PCDH9: variants seen among roughly 807,000 people sequenced by gnomAD.
PCDH9 encodes protocadherin-9.
A neutral mutation model predicts 70.6 loss-of-function variants in PCDH9; 24 were observed. The observed-to-expected ratio is 0.34, with a 90% confidence interval of 0.25 to 0.48. PCDH9 has a LOEUF of 0.48. Ranked by LOEUF, PCDH9 falls within the 20% of genes least tolerant of loss-of-function variation. PCDH9 has a pLI of 0.99. For synonymous variants in PCDH9, 562 were observed against 558.5 expected, an observed-to-expected ratio of 1.01 and a Z score of -0.09; for missense variants, 1,281 against 1,503.6, an observed-to-expected ratio of 0.85 and a Z score of 2.45.
At chr13:66,906,894 T>C (rs959237088) in intron 2 of PCDH9, among the ~76,000 whole-genome samples, 5 of 152,120 alleles carry the variant, frequency 3.3e-5, no homozygotes, top group Admixed American at 2.6e-4. Flanking sequence ...TTGCAGCATT[T>C]TCTAAAAAAA....
intron 4 of PCDH9, among the ~76,000 whole-genome samples, chr13:66,468,538 A>G (rs1002468892): frequency 1.3e-5 from 2 of 152,146 alleles, no homozygotes; most frequent in Admixed American, 6.6e-5. Flanking sequence ...GTTATGTCTT[A>G]CACTTCATGA....
chr13:66,654,414 G>A (rs1473173269), intron 3 of PCDH9, among the ~76,000 whole-genome samples: 1 of 151,888 alleles, frequency 6.6e-6, no homozygotes, highest in Non-Finnish European at 1.5e-5. Flanking sequence ...TAGCACAACA[G>A]GGAAACTACA....
chr13:66,668,312 T>C (rs1486028122), intron 3 of PCDH9, among the ~76,000 whole-genome samples: 5 of 152,188 alleles, frequency 3.3e-5, no homozygotes, highest in African/African-American at 9.6e-5. Flanking sequence ...ACAAAATTCA[T>C]ATTCAGTCAC....
At chr13:67,066,098 G>A (rs2085641841) in intron 2 of PCDH9, among the ~76,000 whole-genome samples, 1 of 152,068 alleles carries the variant, frequency 6.6e-6, no homozygotes, top group African/African-American at 2.4e-5. Flanking sequence ...ATGATATAAT[G>A]TGTGTGCTTG....
Position 66,631,355 on chromosome 13 carries a change from G to C in PCDH9, c.3195C>G (p.Asp1065Glu), listed in dbSNP as rs1256550039. ...LPDGSQESCS[D>E]SGLGDHEPVG... is the part of the protein sequence containing the mutation. ...CCGGCTCATGGTCTCCTAGACCACT[G>C]TCACTGCAGCTTTCCTGGGAGCCAT... The change falls in exon 4 of 5, where the codon GAC becomes GAG. Residue 1065 changes from aspartate to glutamate, a missense_variant. Coordinates refer to ENST00000377865, the MANE Select transcript of PCDH9 (RefSeq NM_203487.3). 1 of 1,611,032 alleles carries C rather than the reference G, an allele frequency of 6.2e-7. No individual in the cohort carries two copies. The highest frequency in any genetic ancestry group is 8.5e-7 in the Non-Finnish European group (1 of 1,177,238).
intron 3 of PCDH9, among the ~76,000 whole-genome samples, chr13:66,850,005 G>A (rs1040795028): frequency 6.6e-6 from 1 of 152,076 alleles, no homozygotes; most frequent in Non-Finnish European, 1.5e-5. Context: ...TGGGGGAGAA[G>A]TAGATAGTTG....
intron 2 of PCDH9, chr13:67,214,933 C>CATATATAT (rs1388312996): frequency 2.0e-3 from 51 of 26,142 alleles, no homozygotes; most frequent in African/African-American, 6.0e-3. Context: ...TATTGCGAGC[C>CATATATAT]AGATATATAT....
chr13:67,114,903 T>C (rs963503103), intron 2 of PCDH9, among the ~76,000 whole-genome samples: 1 of 152,242 alleles, frequency 6.6e-6, no homozygotes, highest in Non-Finnish European at 1.5e-5. Flanking sequence ...TTTGAGTATA[T>C]TTTATGTGAT....
At chr13:66,774,522 T>A (rs376311408) in intron 3 of PCDH9, among the ~76,000 whole-genome samples, 5 of 152,186 alleles carry the variant, frequency 3.3e-5, no homozygotes, top group African/African-American at 1.2e-4. Flanking sequence ...GAGCAAAGCA[T>A]AGAAAATGGA....
chr13:66,788,247 G>A (rs1053196976), intron 3 of PCDH9, among the ~76,000 whole-genome samples: 3 of 152,062 alleles, frequency 2.0e-5, no homozygotes, highest in African/African-American at 7.2e-5. Flanking sequence ...TTTTTATAAT[G>A]GCATTAACCC....
chr13:66,354,880 G>C (rs906145751), intron 4 of PCDH9, among the ~76,000 whole-genome samples: 1 of 152,026 alleles, frequency 6.6e-6, no homozygotes, highest in Non-Finnish European at 1.5e-5. Context: ...TTACCAATTA[G>C]AGATTAACTT....
chr13:67,085,014 ATATATATATG>A (rs1209986013), intron 2 of PCDH9, among the ~76,000 whole-genome samples: 21 of 131,956 alleles, frequency 1.6e-4, no homozygotes, highest in Non-Finnish European at 1.1e-4. Flanking sequence ...ATATATATAT[ATATATATATG>A]TATATGTTGC....
chr13:66,827,353 A>G (rs1348815981), intron 3 of PCDH9, among the ~76,000 whole-genome samples: 1 of 96,166 alleles, frequency 1.0e-5, no homozygotes, highest in Non-Finnish European at 2.4e-5. Flanking sequence ...AATGCAGAGG[A>G]AAATGGCAAA....
At chr13:67,165,856 A>T (rs977339609) in intron 2 of PCDH9, among the ~76,000 whole-genome samples, 50 of 152,204 alleles carry the variant, frequency 3.3e-4, no homozygotes, top group African/African-American at 1.1e-3. Flanking sequence ...GTAACAAATC[A>T]TATTTGAATG....
chr13:66,613,928 T>C (rs918722364), intron 4 of PCDH9, among the ~76,000 whole-genome samples: 2 of 152,200 alleles, frequency 1.3e-5, no homozygotes, highest in African/African-American at 4.8e-5. Flanking sequence ...TTTTGCTAAG[T>C]GTTTTAAGGT....
At chr13:66,422,120 A>T (rs891792046) in intron 4 of PCDH9, among the ~76,000 whole-genome samples, 3 of 152,194 alleles carry the variant, frequency 2.0e-5, no homozygotes, top group African/African-American at 7.2e-5. Flanking sequence ...TATCCTAATT[A>T]TATATGTACC....
At chr13:66,421,403 A>G (rs372143314) in intron 4 of PCDH9, among the ~76,000 whole-genome samples, 20 of 152,304 alleles carry the variant, frequency 1.3e-4, no homozygotes, top group African/African-American at 4.8e-4. Context: ...ATATGAAGGA[A>G]AAAATGTTAA....
intron 4 of PCDH9, among the ~76,000 whole-genome samples, chr13:66,468,573 A>T (rs1172668234): frequency 1.3e-5 from 2 of 152,132 alleles, no homozygotes; most frequent in Non-Finnish European, 2.9e-5. Flanking sequence ...CTTGCAGTAC[A>T]ATGATGATAG....
chr13:66,425,111 TTA>T (rs1419026865), intron 4 of PCDH9, among the ~76,000 whole-genome samples: 1 of 151,882 alleles, frequency 6.6e-6, no homozygotes, highest in Non-Finnish European at 1.5e-5. Context: ...GTTCATCATT[TTA>T]TGACACTTTC....
Sources: gnomAD v4.1 joint callset for allele counts (sites outside exome capture counted in the v4.1 genomes callset) on GRCh38, gnomAD v4.1.1 for gene constraint, MANE v1.5 for transcripts, NCBI Gene and HGNC (gene_info 2026-07-23, HGNC 2026-07-21) for gene names.